CTNNA3: variants seen among roughly 807,000 people sequenced by gnomAD.
CTNNA3 encodes the protein catenin alpha 3, also known as catenin alpha-3.
In CTNNA3, 76 loss-of-function variants were observed where a neutral mutation model predicts 95.7. The observed-to-expected ratio is 0.79, with a 90% confidence interval of 0.66 to 0.96. CTNNA3 has a LOEUF of 0.96. Ranked by LOEUF, CTNNA3 falls within the 40% of genes least tolerant of loss-of-function variation. CTNNA3 has a pLI of 0.00. For synonymous variants in CTNNA3, 431 were observed against 374.4 expected (o/e 1.15, Z -1.74); for missense variants, 1,191 against 1,089.8 (o/e 1.09, Z -1.31).
At chr10:67,088,608 T>C (rs1254886910) in intron 7 of CTNNA3, among the ~76,000 whole-genome samples, 1 of 152,036 alleles carries the variant, frequency 6.6e-6, no homozygotes, top group Non-Finnish European at 1.5e-5. Flanking sequence ...TTTTCCTTAC[T>C]CTAAATGCAT....
At chr10:66,698,556 T>A (rs899276260) in intron 9 of CTNNA3, among the ~76,000 whole-genome samples, 1 of 152,196 alleles carries the variant, frequency 6.6e-6, no homozygotes, top group Non-Finnish European at 1.5e-5. Flanking sequence ...TTCATAATCC[T>A]CATCAGTAAC....
chr10:66,206,105 A>G (rs138971304), intron 13 of CTNNA3, among the ~76,000 whole-genome samples: 161 of 152,056 alleles, frequency 1.1e-3, no homozygotes, highest in African/African-American at 3.6e-3. Flanking sequence ...GTGAGAAGTG[A>G]GAAATTTAGT....
chr10:66,660,446 C>G (rs553267033), intron 9 of CTNNA3, among the ~76,000 whole-genome samples: 2 of 152,124 alleles, frequency 1.3e-5, no homozygotes, highest in African/African-American at 2.4e-5. Context: ...TTAGGGACAA[C>G]CTTCATACTG....
chr10:67,561,802 G>C (rs956149925), intron 3 of CTNNA3, among the ~76,000 whole-genome samples: 1 of 152,028 alleles, frequency 6.6e-6, no homozygotes, highest in African/African-American at 2.4e-5. Flanking sequence ...AATGATAAAG[G>C]GGATATCACC....
At chr10:66,928,709 A>G (rs1847212940) in intron 7 of CTNNA3, among the ~76,000 whole-genome samples, 1 of 152,236 alleles carries the variant, frequency 6.6e-6, no homozygotes, top group Non-Finnish European at 1.5e-5. Flanking sequence ...TATAATACCT[A>G]TTGTATAAGA....
At chr10:67,370,916 G>C (rs1013737095) in intron 5 of CTNNA3, among the ~76,000 whole-genome samples, 28 of 149,076 alleles carry the variant, frequency 1.9e-4, no homozygotes, top group African/African-American at 6.8e-4. Context: ...GCCCAGGCTG[G>C]AGTGCAGTGG....
chr10:66,631,062 A>G (rs1845117666), intron 9 of CTNNA3, among the ~76,000 whole-genome samples: 1 of 152,204 alleles, frequency 6.6e-6, no homozygotes, highest in African/African-American at 2.4e-5. Context: ...GACTGTAGTA[A>G]GAGTGTTACA....
At chr10:66,167,596 G>C (rs561002856) in intron 13 of CTNNA3, among the ~76,000 whole-genome samples, 1 of 152,050 alleles carries the variant, frequency 6.6e-6, no homozygotes, top group Non-Finnish European at 1.5e-5. Flanking sequence ...TTTTGGCAAG[G>C]TAGAAAGTTA....
chr10:67,078,941 A>G (rs2131872091), intron 7 of CTNNA3, among the ~76,000 whole-genome samples: 1 of 152,350 alleles, frequency 6.6e-6, no homozygotes. Context: ...AGACCACTTC[A>G]TTTGATTATG....
intron 13 of CTNNA3, among the ~76,000 whole-genome samples, chr10:66,125,820 CAATG>C (rs1224463360): frequency 6.6e-6 from 1 of 152,112 alleles, no homozygotes; most frequent in Non-Finnish European, 1.5e-5. Flanking sequence ...AACAGTAAAA[CAATG>C]AGAGACTGCC....
chr10:67,219,120 T>C (rs752951305), intron 6 of CTNNA3, among the ~76,000 whole-genome samples: 7 of 152,342 alleles, frequency 4.6e-5, no homozygotes, highest in Non-Finnish European at 8.8e-5. Flanking sequence ...ATTCCTGAAC[T>C]CTTTCAAGGC....
chr10:66,004,242 C>G (rs546029440), intron 15 of CTNNA3, among the ~76,000 whole-genome samples: 3 of 152,208 alleles, frequency 2.0e-5, no homozygotes, highest in Admixed American at 2.0e-4. Flanking sequence ...TATACAGAAA[C>G]AAGATATTCC....
At chr10:67,322,371 T>C (rs1188502275) in intron 5 of CTNNA3, among the ~76,000 whole-genome samples, 2 of 152,172 alleles carry the variant, frequency 1.3e-5, no homozygotes, top group African/African-American at 4.8e-5. Context: ...ATCCTCTCCC[T>C]CCTCTCACCA....
At chr10:67,341,892 C>G (rs137979011) in intron 5 of CTNNA3, among the ~76,000 whole-genome samples, 39 of 151,890 alleles carry the variant, frequency 2.6e-4, no homozygotes, top group Middle Eastern at 3.4e-3. Context: ...GCCATTTTAA[C>G]TACGGTGAGA....
At chr10:67,471,932 C>CCATTG (rs1847843485) in intron 5 of CTNNA3, among the ~76,000 whole-genome samples, 1 of 152,136 alleles carries the variant, frequency 6.6e-6, no homozygotes, top group Admixed American at 6.5e-5. Flanking sequence ...ATGATGGAAA[C>CCATTG]CATTGCTCTT....
chr10:67,687,058 G>A (rs1459203945), intron 1 of CTNNA3, among the ~76,000 whole-genome samples: 58 of 152,186 alleles, frequency 3.8e-4, no homozygotes. Context: ...CTGAGGAGGT[G>A]GGAGAAATAC....
intron 13 of CTNNA3, among the ~76,000 whole-genome samples, chr10:66,106,337 T>TTGTGTGTGTGTGTGTGTGTGTG (rs201326026): frequency 6.9e-6 from 1 of 145,442 alleles, no homozygotes; most frequent in South Asian, 2.2e-4. Context: ...GTGTGTGTGT[T>TTGTGTGTGTGTGTGTGTGTGTG]TGTGTGTGTG....
chr10:66,066,556 G>A (rs2080317693), intron 15 of CTNNA3, among the ~76,000 whole-genome samples: 1 of 152,092 alleles, frequency 6.6e-6, no homozygotes, highest in Admixed American at 6.6e-5. Context: ...GGAATAAGAA[G>A]ACATTTAGAA....
At chr10:66,449,253 C>T (rs543924810) in intron 11 of CTNNA3, among the ~76,000 whole-genome samples, 5 of 152,006 alleles carry the variant, frequency 3.3e-5, no homozygotes, top group Middle Eastern at 3.4e-3. Context: ...CCACAGATTA[C>T]GGGAAAAATC....
Sources: allele counts gnomAD v4.1 joint callset (sites outside exome capture counted in the v4.1 genomes callset), GRCh38; gene constraint gnomAD v4.1.1; transcripts MANE v1.5; gene names NCBI Gene and HGNC (gene_info 2026-07-23, HGNC 2026-07-21).